Variants in SCN11A observed in about 807,000 individuals in gnomAD.
SCN11A encodes sodium channel protein type 11 subunit alpha.
In SCN11A, 122 loss-of-function variants were observed where a neutral mutation model predicts 162.2. That is an observed-to-expected ratio of 0.75 (90% CI 0.65 to 0.87). The LOEUF is 0.87. Ranked by LOEUF, SCN11A falls within the 40% of genes least tolerant of loss-of-function variation. The probability of loss-of-function intolerance (pLI) is 0.00; values close to 1 mark genes in which losing one functional copy is unlikely to be tolerated. For synonymous variants in SCN11A, 758 were observed against 751.5 expected (o/e 1.01, Z -0.14); for missense variants, 2,015 against 2,181.6 (o/e 0.92, Z 1.52).
chr3:38,867,454 T>A lies in SCN11A; in HGVS notation c.3818A>T (p.Glu1273Val). 6.3e-7 allele frequency: 1 copy of A among 1,591,378 alleles called. No homozygotes were observed. Among genetic ancestry groups the A allele is most frequent in the Non-Finnish European group, 8.5e-7 (1 of 1,173,610 alleles). ...ATTGCTCTCAAACTCTGGCTGTTGT[T>A]CTTTCTGTTAGAAATTTTTTTAATA... ...IYAAVDSTEK[E>V]QQPEFESNSL... The change falls in exon 27 of 30, where the codon GAA becomes GTA. Residue 1273 changes from glutamate (E) to valine (V), a missense_variant. Physicochemically the swap from Glu to Val is moderately radical, Grantham distance 121. Coordinates refer to ENST00000302328, the MANE Select transcript of SCN11A (RefSeq NM_001349253.2).
At chr3:38,983,081 T>A (rs889104412) in intron 2 of SCN11A, among the ~76,000 whole-genome samples, 3 of 152,156 alleles carry the variant, frequency 2.0e-5, no homozygotes, top group Non-Finnish European at 2.9e-5. Flanking sequence ...CAGAGCTGAA[T>A]AGGGAAGGCT....
intron 25 of SCN11A, 35 bp from the exon 26 acceptor site, chr3:38,870,779 A>C: frequency 1.3e-6 from 2 of 1,582,826 alleles, no homozygotes; most frequent in Non-Finnish European, 8.7e-7. Context: ...AATAATACAA[A>C]TGTAGACTTG....
chr3:38,938,830 C>G (rs2066396567), intron 7 of SCN11A, among the ~76,000 whole-genome samples: 1 of 151,512 alleles, frequency 6.6e-6, no homozygotes, highest in African/African-American at 2.4e-5. Context: ...TCCCAAAGCG[C>G]TGGGATTACA....
chr3:39,031,981 A>T (rs1251651504), intron 2 of SCN11A, among the ~76,000 whole-genome samples: 1 of 152,236 alleles, frequency 6.6e-6, no homozygotes, highest in African/African-American at 2.4e-5. Context: ...ACATTTTACT[A>T]ACATAAAAAC....
intron 2 of SCN11A, among the ~76,000 whole-genome samples, chr3:39,005,867 T>C (rs1482134134): frequency 6.6e-6 from 1 of 152,168 alleles, no homozygotes; most frequent in Non-Finnish European, 1.5e-5. Flanking sequence ...ATTTGTTTTT[T>C]GTTTTTTTTG....
At chr3:38,856,715 A>G (rs2064875414) in intron 28 of SCN11A, among the ~76,000 whole-genome samples, 1 of 151,858 alleles carries the variant, frequency 6.6e-6, no homozygotes, top group Non-Finnish European at 1.5e-5. Context: ...AAACACTGGG[A>G]AAAAATAAAT....
At chr3:38,934,861 C>A (rs2066304643) in intron 7 of SCN11A, among the ~76,000 whole-genome samples, 2 of 151,988 alleles carry the variant, frequency 1.3e-5, no homozygotes, top group South Asian at 4.2e-4. Context: ...TTGAACTCAG[C>A]TCTGCACCAA....
intron 2 of SCN11A, among the ~76,000 whole-genome samples, chr3:39,022,652 C>A (rs537294402): frequency 6.6e-6 from 1 of 152,166 alleles, no homozygotes; most frequent in Non-Finnish European, 1.5e-5. Context: ...GAAACTGAGG[C>A]TGGTGGATTG....
intron 2 of SCN11A, among the ~76,000 whole-genome samples, chr3:39,003,368 T>C (rs2030874387): frequency 6.6e-6 from 1 of 152,248 alleles, no homozygotes; most frequent in African/African-American, 2.4e-5. Context: ...ATCTCATTCC[T>C]TTTTAGGACT....
chr3:39,008,881 CAAA>C (rs1470140485), intron 2 of SCN11A, among the ~76,000 whole-genome samples: 1 of 137,910 alleles, frequency 7.3e-6, no homozygotes, highest in Non-Finnish European at 1.5e-5. Flanking sequence ...GACTCCATCT[CAAA>C]AAACAAAAAA....
chr3:38,950,075 C>CCCCCCCCCCA (rs2066583507), intron 5 of SCN11A, 21 bp downstream of exon 5: 1 of 109,110 alleles, frequency 9.2e-6, no homozygotes. Flanking sequence ...CCCCACCCCC[C>CCCCCCCCCCA]CCCCCCGCCC....
chr3:39,032,124 A>G (rs2031775464), intron 2 of SCN11A, among the ~76,000 whole-genome samples: 1 of 152,242 alleles, frequency 6.6e-6, no homozygotes, highest in Non-Finnish European at 1.5e-5. Flanking sequence ...AAACAGATTG[A>G]TGTCTGTGTC....
At chr3:38,922,913 TAGAAGAGAAA>T (rs2066077072) in intron 9 of SCN11A, among the ~76,000 whole-genome samples, 1 of 150,034 alleles carries the variant, frequency 6.7e-6, no homozygotes. Flanking sequence ...AAGCCACTGA[TAGAAGAGAAA>T]AGAAGGGAAG....
intron 15 of SCN11A, among the ~76,000 whole-genome samples, chr3:38,904,723 C>T (rs1276785741): frequency 6.6e-6 from 1 of 152,160 alleles, no homozygotes; most frequent in Non-Finnish European, 1.5e-5. Context: ...GGTCCTGTTA[C>T]CTGCTATTAA....
At chr3:38,936,989 A>C (rs908952484) in intron 7 of SCN11A, among the ~76,000 whole-genome samples, 24 of 152,044 alleles carry the variant, frequency 1.6e-4, no homozygotes, top group Non-Finnish European at 2.1e-4. Flanking sequence ...AGGCTACAGT[A>C]ACCAAAACAG....
At chr3:38,908,392 G>C (rs1194819734) in intron 13 of SCN11A, among the ~76,000 whole-genome samples, 2 of 152,122 alleles carry the variant, frequency 1.3e-5, no homozygotes, top group African/African-American at 2.4e-5. Context: ...GTATGCGCTA[G>C]GCACTCAATA....
chr3:39,013,478 C>T (rs925796610), intron 2 of SCN11A, among the ~76,000 whole-genome samples: 2 of 151,370 alleles, frequency 1.3e-5, no homozygotes, highest in African/African-American at 2.4e-5. Flanking sequence ...CTCCCATTGG[C>T]TGAACCCAGC....
chr3:38,989,163 A>T (rs1278599120), intron 2 of SCN11A, among the ~76,000 whole-genome samples: 1 of 152,204 alleles, frequency 6.6e-6, no homozygotes, highest in Non-Finnish European at 1.5e-5. Context: ...GATGCTGGGG[A>T]GACCACAAGT....
At position 38,908,983 on chromosome 3, in the gene SCN11A, C is replaced by T. The variant is rs775682489; in HGVS notation, c.1299+14G>A. 4 of 1,611,586 alleles carry T rather than the reference C, an allele frequency of 2.5e-6. No homozygotes were observed. Among genetic ancestry groups the T allele is most frequent in the East Asian group, 2.2e-5 (1 of 44,862 alleles). On this transcript the variant is annotated intron_variant, in intron 13 of 29. Transcript: ENST00000302328. ...CCCCAGAGCAGATCCCACTGTCTGACCCCATGTCCCTACCTCCTTTTCCTC... is the reference window on the plus strand; with the variant it reads ...CCCCAGAGCAGATCCCACTGTCTGATCCCATGTCCCTACCTCCTTTTCCTC...
Sources: allele counts gnomAD v4.1 joint callset (sites outside exome capture counted in the v4.1 genomes callset), GRCh38; gene constraint gnomAD v4.1.1; transcripts MANE v1.5; gene names NCBI Gene and HGNC (gene_info 2026-07-23, HGNC 2026-07-21).